The following NTM variants were observed in gnomAD, a reference collection of about 807,000 sequenced individuals.
NTM encodes the protein IgLON family member 2.
A neutral mutation model predicts 42.1 loss-of-function variants in NTM; 13 were observed. The ratio of observed to expected loss-of-function variants is 0.31; its 90% CI spans 0.20 to 0.49. The LOEUF (loss-of-function observed/expected upper bound fraction) is 0.49, where lower values mean the gene tolerates loss of function less well. Ranked by LOEUF, NTM falls within the 20% of genes least tolerant of loss-of-function variation. The pLI, the probability that NTM is intolerant of heterozygous loss-of-function variation, is 0.99. For missense variants in NTM, 373 were observed against 452.8 expected (o/e 0.82, Z 1.60); for synonymous variants, 187 against 179.2 (o/e 1.04, Z -0.35).
intron 2 of NTM, among the ~76,000 whole-genome samples, chr11:132,049,087 A>T (rs754945889): frequency 6.6e-6 from 1 of 152,132 alleles, no homozygotes; most frequent in Non-Finnish European, 1.5e-5. Flanking sequence ...AATTGAAGGG[A>T]AATATAATTG....
At chr11:132,046,976 A>T (rs1055579032) in intron 2 of NTM, among the ~76,000 whole-genome samples, 1 of 152,332 alleles carries the variant, frequency 6.6e-6, no homozygotes, top group African/African-American at 2.4e-5. Context: ...TTCAGTCCTC[A>T]TAGCAGCCCT....
intron 2 of NTM, among the ~76,000 whole-genome samples, chr11:132,030,120 C>T (rs2075727895): frequency 6.6e-6 from 1 of 152,094 alleles, no homozygotes; most frequent in Admixed American, 6.5e-5. Context: ...CAGAGTGACT[C>T]TGTTGTAATG....
intron 1 of NTM, among the ~76,000 whole-genome samples, chr11:131,710,787 A>G (rs2077038910): frequency 6.6e-6 from 1 of 152,182 alleles, no homozygotes; most frequent in South Asian, 2.1e-4. Context: ...CCACAAATCC[A>G]AAGCTGTGCT....
chr11:131,832,188 A>AG (rs1201307421), intron 1 of NTM, among the ~76,000 whole-genome samples: 1 of 85,636 alleles, frequency 1.2e-5, no homozygotes, highest in African/African-American at 4.2e-5. Context: ...GTGTTAGAAG[A>AG]GAAAAAAAAA....
chr11:131,685,347 G>T (rs2073709447), intron 1 of NTM, among the ~76,000 whole-genome samples: 1 of 152,116 alleles, frequency 6.6e-6, no homozygotes, highest in South Asian at 2.1e-4. Flanking sequence ...ATGGGAAGCA[G>T]CTGGGGGCTC....
At chr11:131,397,392 A>G (rs1331143954) in intron 1 of NTM, among the ~76,000 whole-genome samples, 1 of 152,114 alleles carries the variant, frequency 6.6e-6, no homozygotes, top group Non-Finnish European at 1.5e-5. Flanking sequence ...CTCATTTTAT[A>G]CAGGGGTAAA....
intron 1 of NTM, among the ~76,000 whole-genome samples, chr11:131,616,776 GGGGT>G (rs1377271075): frequency 4.5e-4 from 64 of 143,252 alleles, no homozygotes; most frequent in Middle Eastern, 3.5e-3. Context: ...CTGTCTTGAG[GGGGT>G]GTGTGTGTGT....
chr11:131,761,414 C>G (rs1319719277), intron 1 of NTM, among the ~76,000 whole-genome samples: 1 of 152,120 alleles, frequency 6.6e-6, no homozygotes, highest in East Asian at 1.9e-4. Flanking sequence ...CTTTTAGCAT[C>G]TGAATAATGG....
chr11:131,968,588 C>T (rs961911827), intron 2 of NTM, among the ~76,000 whole-genome samples: 1 of 152,166 alleles, frequency 6.6e-6, no homozygotes, highest in Non-Finnish European at 1.5e-5. Flanking sequence ...CTTGCCTGAT[C>T]AGCGTTTCTG....
intron 5 of NTM, among the ~76,000 whole-genome samples, chr11:132,308,598 A>T (rs2095175744): frequency 6.6e-6 from 1 of 151,910 alleles, no homozygotes; most frequent in South Asian, 2.1e-4. Context: ...GAAGCAATAG[A>T]ACTCAATAAC....
chr11:131,392,521 T>C (rs777538591), intron 1 of NTM, among the ~76,000 whole-genome samples: 1 of 152,212 alleles, frequency 6.6e-6, no homozygotes, highest in Non-Finnish European at 1.5e-5. Flanking sequence ...CCCTGGCTCA[T>C]GGGTGAGGGT....
chr11:132,063,086 C>A (rs1432961783), intron 2 of NTM, among the ~76,000 whole-genome samples: 2 of 152,132 alleles, frequency 1.3e-5, no homozygotes, highest in Non-Finnish European at 2.9e-5. Context: ...TCATCAGGTT[C>A]TGTGTCTGGT....
intron 1 of NTM, among the ~76,000 whole-genome samples, chr11:131,700,406 T>C (rs1226022160): frequency 6.6e-6 from 1 of 152,146 alleles, no homozygotes; most frequent in African/African-American, 2.4e-5. Flanking sequence ...CTTTCTCCCA[T>C]AGTTTTAGCT....
Position 131,370,879 on chromosome 11 carries a change from C to G in NTM, c.73C>G (p.Leu25Val). Reference protein sequence around the residue: ...AIFTGLAALCLFQGVPVRSGD... With the variant: ...AIFTGLAALCVFQGVPVRSGD... ...CTTCACGGGGCTGGCTGCTCTGTGT[C>G]TCTTCCAAGGTAAGAGCTTGCTATT... The change falls in exon 1 of 9, where the codon CTC becomes GTC. Residue 25 changes from leucine to valine, a missense_variant. Coordinates refer to ENST00000683400, the MANE Select transcript of NTM (RefSeq NM_001352005.2). 6.2e-7 allele frequency: 1 copy of G among 1,614,062 alleles called. No individual in the cohort carries two copies. The highest frequency in any genetic ancestry group is 1.7e-4 in the Middle Eastern group (1 of 6,060).
At chr11:132,225,114 T>C (rs1007559473) in intron 4 of NTM, among the ~76,000 whole-genome samples, 2 of 152,154 alleles carry the variant, frequency 1.3e-5, no homozygotes, top group Admixed American at 1.3e-4. Flanking sequence ...ATATGATAAA[T>C]AGGCAGAATG....
intron 1 of NTM, among the ~76,000 whole-genome samples, chr11:131,690,630 A>T (rs1261323207): frequency 1.3e-5 from 2 of 152,224 alleles, no homozygotes; most frequent in African/African-American, 4.8e-5. Context: ...TCCCATCTGC[A>T]AGGTGTCAGA....
intron 2 of NTM, among the ~76,000 whole-genome samples, chr11:132,045,455 A>G (rs1284645457): frequency 2.6e-5 from 4 of 152,202 alleles, no homozygotes; most frequent in African/African-American, 9.7e-5. Flanking sequence ...ATGTAGAGAT[A>G]TCTGAAGTTA....
At chr11:131,619,753 G>T (rs751885752) in intron 1 of NTM, among the ~76,000 whole-genome samples, 19 of 151,766 alleles carry the variant, frequency 1.3e-4, no homozygotes, top group Non-Finnish European at 2.4e-4. Flanking sequence ...AAATGTAACA[G>T]ATAAGTCACC....
intron 4 of NTM, among the ~76,000 whole-genome samples, chr11:132,212,737 A>G (rs533600065): frequency 3.9e-5 from 6 of 152,222 alleles, no homozygotes; most frequent in African/African-American, 1.4e-4. Flanking sequence ...TTGTGCTTTC[A>G]TGGATTGTAC....
Sources: gnomAD v4.1 joint callset for allele counts (sites outside exome capture counted in the v4.1 genomes callset) on GRCh38, gnomAD v4.1.1 for gene constraint, MANE v1.5 for transcripts, NCBI Gene and HGNC (gene_info 2026-07-23, HGNC 2026-07-21) for gene names.